The following RFWD3 variants were observed in gnomAD, a reference collection of about 807,000 sequenced individuals.
The protein encoded by RFWD3 is ring finger and WD repeat domain 3, also known as E3 ubiquitin-protein ligase RFWD3.
RFWD3 carries 65 observed loss-of-function variants against 87.7 expected under a neutral mutation model. The ratio of observed to expected loss-of-function variants is 0.74; its 90% CI spans 0.61 to 0.91. The LOEUF is 0.91. Ranked by LOEUF, RFWD3 falls within the 40% of genes least tolerant of loss-of-function variation. RFWD3 has a pLI of 0.00. For missense variants in RFWD3, 1,078 were observed against 938.5 expected (o/e 1.15, Z -1.94); for synonymous variants, 433 against 352.8 (o/e 1.23, Z -2.55).
rs915199885 is a variant in RFWD3 at position 74,623,675 on chromosome 16, T to G, written c.*253A>C. The stretch of plus-strand genomic sequence containing the variant: ...AGAATTTCCAACATACAATAATGGT[T>G]AATGAAGGCTTTAAACCCAAGAAAT... On this transcript the variant is annotated 3_prime_UTR_variant, in exon 13 of 13. Transcript: ENST00000361070. 3 of 377,504 alleles carry G rather than the reference T, an allele frequency of 7.9e-6. No individual in the cohort carries two copies. The highest frequency in any genetic ancestry group is 6.3e-5 in the African/African-American group (3 of 47,994). 23.4% of individuals were successfully genotyped at this position (377,504 alleles called of 1,614,324 possible).
At chr16:74,628,368 C>G in intron 11 of RFWD3, 84 bp downstream of exon 11, 1 of 1,332,502 alleles carries the variant, frequency 7.5e-7, no homozygotes, top group Non-Finnish European at 1.1e-6. Context: ...CCACAGCCAC[C>G]CAAAGGGTAG....
Position 74,632,677 on chromosome 16 carries a change from A to G in RFWD3, c.1427-4T>C, listed in dbSNP as rs753446117. 6 of 1,613,082 alleles carry G rather than the reference A, an allele frequency of 3.7e-6. No homozygotes were observed. Among genetic ancestry groups the G allele is most frequent in the Non-Finnish European group, 4.2e-6 (5 of 1,179,370 alleles). The stretch of plus-strand genomic sequence containing the variant: ...CTCAACATCTTAACACCAAAGCCTG[A>G]AAAAGGCAAAATAGTATGAAATAGA... On this transcript the variant is annotated splice_polypyrimidine_tract_variant and splice_region_variant and intron_variant, in intron 8 of 12. Transcript: ENST00000361070.
intron 7 of RFWD3, among the ~76,000 whole-genome samples, chr16:74,637,122 T>TAAAAAAAAAAAAAAAAAAA (rs759556308): frequency 2.0e-5 from 2 of 101,800 alleles, no homozygotes; most frequent in Non-Finnish European, 3.8e-5. Flanking sequence ...TAAAGTCCTT[T>TAAAAAAAAAAAAAAAAAAA]AAAAAAAAAA....
chr16:74,638,798 G>C (rs1253735804), intron 6 of RFWD3, among the ~76,000 whole-genome samples: 5 of 152,172 alleles, frequency 3.3e-5, no homozygotes, highest in Non-Finnish European at 4.4e-5. Flanking sequence ...GTCATGTGCA[G>C]CTTAATGATG....
At chr16:74,646,774 T>C (rs547408453) in intron 4 of RFWD3, among the ~76,000 whole-genome samples, 106 of 151,232 alleles carry the variant, frequency 7.0e-4, no homozygotes, top group Non-Finnish European at 1.3e-3. Flanking sequence ...ACGTAGCTAT[T>C]AATAAGAACA....
At chr16:74,665,135 T>TGGGCG (rs987204150) in intron 1 of RFWD3, 1 of 152,104 alleles carries the variant, frequency 6.6e-6, no homozygotes, top group Non-Finnish European at 1.5e-5. Context: ...TGAGAAGAGG[T>TGGGCG]GGGCGGGGGA....
At chr16:74,651,784 T>C (rs1960585287) in intron 3 of RFWD3, 136 bp downstream of exon 3, 4 of 752,178 alleles carry the variant, frequency 5.3e-6, no homozygotes, top group Non-Finnish European at 9.0e-6. Flanking sequence ...GAAGGCTCTA[T>C]ACTATAAAAC....
chr16:74,644,883 T>C, intron 4 of RFWD3, 148 bp from the exon 5 acceptor site: 1 of 661,380 alleles, frequency 1.5e-6, no homozygotes. Flanking sequence ...GAATCACTTG[T>C]CATTCTTTCT....
chr16:74,646,025 G>A (rs763354295), intron 4 of RFWD3, among the ~76,000 whole-genome samples: 2 of 152,048 alleles, frequency 1.3e-5, no homozygotes, highest in Non-Finnish European at 2.9e-5. Flanking sequence ...AGGGATTACA[G>A]ACGTGAGCCA....
intron 6 of RFWD3, among the ~76,000 whole-genome samples, chr16:74,638,824 A>C (rs1177735647): frequency 6.6e-6 from 1 of 152,168 alleles, no homozygotes; most frequent in African/African-American, 2.4e-5. Context: ...ATGTTCTGAG[A>C]AACATGTTGT....
intron 3 of RFWD3, among the ~76,000 whole-genome samples, chr16:74,649,625 A>T (rs1305631629): frequency 5.9e-5 from 9 of 152,192 alleles, no homozygotes; most frequent in Admixed American, 2.0e-4. Context: ...TAATTATTAT[A>T]CCTAACAATA....
At position 74,621,914 on chromosome 16, in the gene RFWD3, C is replaced by G. The variant is rs1019954889; in HGVS notation, c.*2014G>C. 3.9e-5 allele frequency: 6 copies of G among 152,114 alleles called. No individual in the cohort carries two copies. The highest frequency in any genetic ancestry group is 7.4e-5 in the Non-Finnish European group (5 of 68,026). The allele number at this position is 152,114 out of a possible 1,614,324, so 9.4% of individuals were successfully genotyped here. ...GTTTCACCATGTTGGTCAGGCTGGA[C>G]AAGGCTTTTTTTCTTTGGAGAAATC... On this transcript the variant is annotated 3_prime_UTR_variant, in exon 13 of 13. Coordinates refer to ENST00000361070, the MANE Select transcript of RFWD3 (RefSeq NM_018124.4).
intron 6 of RFWD3, among the ~76,000 whole-genome samples, chr16:74,639,053 T>C (rs1366441536): frequency 2.6e-5 from 4 of 151,720 alleles, no homozygotes; most frequent in Admixed American, 6.6e-5. Context: ...TTTTTTTTTT[T>C]TTTTAGCCCG....
chr16:74,663,906 G>T (rs558213935), intron 1 of RFWD3, among the ~76,000 whole-genome samples: 2 of 152,166 alleles, frequency 1.3e-5, no homozygotes, highest in Admixed American at 6.5e-5. Flanking sequence ...AAAAGAGAAG[G>T]GCTGGTTAAA....
chr16:74,659,549 T>C (rs1308407266), intron 2 of RFWD3, among the ~76,000 whole-genome samples: 1 of 151,916 alleles, frequency 6.6e-6, no homozygotes, highest in East Asian at 1.9e-4. Context: ...GAGCTGATAC[T>C]GCGCCACTGC....
At chr16:74,643,785 C>G (rs570774393) in intron 6 of RFWD3, among the ~76,000 whole-genome samples, 1 of 149,876 alleles carries the variant, frequency 6.7e-6, no homozygotes, top group South Asian at 2.1e-4. Flanking sequence ...ACGCCATTCT[C>G]CTGTCTCAGC....
intron 9 of RFWD3, among the ~76,000 whole-genome samples, chr16:74,632,109 G>A (rs778178523): frequency 8.6e-5 from 13 of 150,796 alleles, no homozygotes; most frequent in Admixed American, 4.6e-4. Flanking sequence ...AGCTAAGGTC[G>A]GCTGGGCGCA....
rs763650233 is a variant in RFWD3 at position 74,624,556 on chromosome 16, C to T, written c.2182-485G>A. 2.8e-4 allele frequency among the ~76,000 whole-genome samples: 42 copies of T among 152,300 alleles called. 2 individuals carry two copies. The highest frequency in any genetic ancestry group is 3.2e-4 in the Non-Finnish European group (22 of 68,022). On this transcript the variant is annotated intron_variant, in intron 12 of 12. Coordinates refer to ENST00000361070, the MANE Select transcript of RFWD3 (RefSeq NM_018124.4). ...GATTACAGACATCCACCACCACGCC[C>T]GGCTAATTTTCTTGTATTTTTGGTA...
rs749055241 is a variant in RFWD3, at chr16:74,644,342, G to A, written c.1079+20C>T. ...GAACCAAAAGGGAACATTCCAGCCA[G>A]GCATACTCTTACCACCTACCTTTTC... On this transcript the variant is annotated intron_variant, in intron 6 of 12. Transcript: ENST00000361070. 1.5e-5 allele frequency: 24 copies of A among 1,610,640 alleles called. No individual in the cohort carries two copies. The highest frequency in any genetic ancestry group is 1.7e-5 in the Non-Finnish European group (20 of 1,177,482).
Sources: gnomAD v4.1 joint callset for allele counts (sites outside exome capture counted in the v4.1 genomes callset) on GRCh38, gnomAD v4.1.1 for gene constraint, MANE v1.5 for transcripts, NCBI Gene and HGNC (gene_info 2026-07-23, HGNC 2026-07-21) for gene names.